FAT3: variants seen among roughly 807,000 people sequenced by gnomAD.
FAT3 encodes the protein protocadherin Fat 3.
Under a neutral mutation model 310.2 loss-of-function variants are expected in FAT3, and 95 were observed. That is an observed-to-expected ratio of 0.31 (90% CI 0.26 to 0.36). FAT3 has a LOEUF of 0.36. Ranked by LOEUF, FAT3 falls within the 10% of genes least tolerant of loss-of-function variation. FAT3 has a pLI of 1.00. For missense variants in FAT3, 5,408 were observed against 5,715.6 expected (o/e 0.95, Z 1.74); for synonymous variants, 2,314 against 2,192.9 (o/e 1.06, Z -1.54).
At chr11:92,781,915 A>G (rs570463690) in intron 7 of FAT3, among the ~76,000 whole-genome samples, 162 of 152,338 alleles carry the variant, frequency 1.1e-3, no homozygotes, top group African/African-American at 3.8e-3. Context: ...AGAGACAGCC[A>G]TGTCCAAATT....
chr11:92,525,942 A>G (rs2135366386), intron 3 of FAT3, among the ~76,000 whole-genome samples: 1 of 152,294 alleles, frequency 6.6e-6, no homozygotes, highest in East Asian at 1.9e-4. Context: ...ATAATGAAAG[A>G]GAATGTCAGG....
intron 3 of FAT3, among the ~76,000 whole-genome samples, chr11:92,629,195 A>C (rs1941454774): frequency 1.3e-5 from 2 of 152,210 alleles, no homozygotes; most frequent in African/African-American, 4.8e-5. Context: ...ATTCTTTATT[A>C]ATCAGTGCAA....
At chr11:92,725,734 C>A (rs1944979867) in intron 4 of FAT3, among the ~76,000 whole-genome samples, 1 of 152,112 alleles carries the variant, frequency 6.6e-6, no homozygotes, top group Non-Finnish European at 1.5e-5. Context: ...CTAACATCAG[C>A]TGATAAAGAG....
intron 3 of FAT3, among the ~76,000 whole-genome samples, chr11:92,658,422 T>A (rs1386817379): frequency 6.6e-6 from 1 of 152,182 alleles, no homozygotes; most frequent in Non-Finnish European, 1.5e-5. Context: ...CAGCACAGGT[T>A]CAGACTCAGC....
intron 4 of FAT3, among the ~76,000 whole-genome samples, chr11:92,743,924 C>A (rs763744356): frequency 1.1e-4 from 17 of 152,180 alleles, no homozygotes; most frequent in Non-Finnish European, 2.4e-4. Context: ...TCTCCAGAGT[C>A]CCACCAGGAA....
At chr11:92,685,663 C>T (rs1423744838) in intron 3 of FAT3, among the ~76,000 whole-genome samples, 2 of 151,324 alleles carry the variant, frequency 1.3e-5, no homozygotes, top group African/African-American at 2.4e-5. Context: ...TGATGCCCTT[C>T]ATATGCCAGG....
At chr11:92,775,544 C>T (rs1034622903) in intron 7 of FAT3, among the ~76,000 whole-genome samples, 1 of 152,108 alleles carries the variant, frequency 6.6e-6, no homozygotes, top group South Asian at 2.1e-4. Flanking sequence ...TGTGTCCTTT[C>T]CCAGTAACTA....
chr11:92,316,459 C>T (rs748399632), intron 1 of FAT3, among the ~76,000 whole-genome samples: 1 of 152,082 alleles, frequency 6.6e-6, no homozygotes, highest in Non-Finnish European at 1.5e-5. Flanking sequence ...GACAATGGTT[C>T]TCCTAATGGC....
At chr11:92,708,380 T>C (rs146465814) in intron 4 of FAT3, among the ~76,000 whole-genome samples, 94 of 152,322 alleles carry the variant, frequency 6.2e-4, no homozygotes, top group African/African-American at 2.0e-3. Context: ...ATAGAGATGG[T>C]TAATGCACAA....
At chr11:92,232,389 A>G (rs1462834297) in intron 1 of FAT3, among the ~76,000 whole-genome samples, 7 of 152,198 alleles carry the variant, frequency 4.6e-5, no homozygotes, top group African/African-American at 1.7e-4. Flanking sequence ...TCAGAATGTC[A>G]ATTAAATGGA....
chr11:92,418,630 A>G (rs1396594716), intron 2 of FAT3, among the ~76,000 whole-genome samples: 1 of 151,842 alleles, frequency 6.6e-6, no homozygotes, highest in Admixed American at 6.6e-5. Flanking sequence ...CCTCCCCAGG[A>G]CCCATCTGAA....
chr11:92,618,289 A>T (rs1455781784), intron 3 of FAT3, among the ~76,000 whole-genome samples: 3 of 152,130 alleles, frequency 2.0e-5, no homozygotes, highest in Non-Finnish European at 4.4e-5. Context: ...CAGGCGCGGG[A>T]TACAATCTCC....
At chr11:92,545,650 G>A (rs987490426) in intron 3 of FAT3, among the ~76,000 whole-genome samples, 5 of 152,160 alleles carry the variant, frequency 3.3e-5, no homozygotes, top group African/African-American at 1.2e-4. Flanking sequence ...CTTTAAACAT[G>A]ATAGGTGTTG....
intron 13 of FAT3, among the ~76,000 whole-genome samples, chr11:92,814,362 T>C (rs187678697): frequency 3.8e-4 from 57 of 150,594 alleles, no homozygotes; most frequent in African/African-American, 1.4e-3. Flanking sequence ...AACAACTCTT[T>C]TTCTATGAAT....
chr11:92,405,464 A>G (rs1003539411), intron 2 of FAT3, among the ~76,000 whole-genome samples: 2 of 152,218 alleles, frequency 1.3e-5, no homozygotes, highest in African/African-American at 4.8e-5. Flanking sequence ...TGGCATTCAA[A>G]CAAGGCTCCA....
chr11:92,292,860 G>A (rs1181043517), intron 1 of FAT3, among the ~76,000 whole-genome samples: 2 of 152,030 alleles, frequency 1.3e-5, no homozygotes, highest in African/African-American at 4.8e-5. Context: ...AATAAAATAA[G>A]CTCTCAGTTG....
intron 16 of FAT3, 31 bp from the exon 17 acceptor site, chr11:92,837,632 T>C (rs761998610): frequency 2.5e-6 from 4 of 1,612,698 alleles, no homozygotes; most frequent in Non-Finnish European, 2.5e-6. Flanking sequence ...GCGCTACACC[T>C]CTTTACTGTC....
chr11:92,771,458 T>C (rs957643167), intron 6 of FAT3, among the ~76,000 whole-genome samples: 7 of 152,092 alleles, frequency 4.6e-5, no homozygotes, highest in Non-Finnish European at 8.8e-5. Flanking sequence ...GGTAAACTGC[T>C]GGTCTGGATT....
intron 1 of FAT3, among the ~76,000 whole-genome samples, chr11:92,259,683 A>C (rs1216031622): frequency 6.6e-6 from 1 of 152,142 alleles, no homozygotes; most frequent in Non-Finnish European, 1.5e-5. Context: ...GTCCTGCTCC[A>C]CATCTAACAA....
Sources: gnomAD v4.1 joint callset for allele counts (sites outside exome capture counted in the v4.1 genomes callset) on GRCh38, gnomAD v4.1.1 for gene constraint, MANE v1.5 for transcripts, NCBI Gene and HGNC (gene_info 2026-07-23, HGNC 2026-07-21) for gene names.